The following FBRSL1 variants were observed in gnomAD, a reference collection of about 807,000 sequenced individuals.
FBRSL1 encodes the protein fibrosin-1-like protein.
In FBRSL1, 51 loss-of-function variants were observed where a neutral mutation model predicts 89.6. That is an observed-to-expected ratio of 0.57 (90% CI 0.45 to 0.72). The LOEUF is 0.72. Ranked by LOEUF, FBRSL1 falls within the 30% of genes least tolerant of loss-of-function variation. FBRSL1 has a pLI of 0.00. For missense variants in FBRSL1, 1,618 were observed against 1,451.8 expected (o/e 1.11, Z -1.86); for synonymous variants, 779 against 681.1 (o/e 1.14, Z -2.24).
At position 132,508,384 on chromosome 12, in the gene FBRSL1, G is replaced by T. The variant is rs867448348; in HGVS notation, c.489+34G>T. 3 of 1,412,202 alleles carry T rather than the reference G, an allele frequency of 2.1e-6. No individual in the cohort carries two copies. The African/African-American group carries it at 4.4e-5, about 21-fold the overall frequency. The allele number at this position is 1,412,202 out of a possible 1,614,324, so 87.5% of individuals were successfully genotyped here. A position where few individuals can be genotyped will look rare whatever the true frequency, so the allele number is the denominator to read the frequency against. Reference sequence around the variant, plus strand: ...GTCCCTCCCCGACCGGAAGCTCTGCGGCGGGTCAGTGCTCACCGCCCCAGG... The same window carrying T: ...GTCCCTCCCCGACCGGAAGCTCTGCTGCGGGTCAGTGCTCACCGCCCCAGG... On this transcript the variant is annotated intron_variant, in intron 2 of 18. Coordinates refer to ENST00000680143, the MANE Select transcript of FBRSL1 (RefSeq NM_001367871.1).
intron 1 of FBRSL1, among the ~76,000 whole-genome samples, chr12:132,498,072 G>A (rs1566095870): frequency 3.9e-5 from 6 of 152,178 alleles, no homozygotes; most frequent in South Asian, 4.1e-4. Context: ...GCTGCACCCC[G>A]GGAGAGCTGG....
At chr12:132,526,596 A>G (rs1593346579) in intron 3 of FBRSL1, among the ~76,000 whole-genome samples, 1 of 152,112 alleles carries the variant, frequency 6.6e-6, no homozygotes, top group Non-Finnish European at 1.5e-5. Flanking sequence ...TGTCCCCGGC[A>G]AGGGTCTGTC....
At chr12:132,540,928 C>T (rs778333304) in intron 4 of FBRSL1, among the ~76,000 whole-genome samples, 41 of 152,226 alleles carry the variant, frequency 2.7e-4, no homozygotes, top group Non-Finnish European at 5.9e-4. Flanking sequence ...TCTGCTTCCT[C>T]ACCTATGAAA....
chr12:132,517,708 A>G (rs1349709575), intron 2 of FBRSL1, among the ~76,000 whole-genome samples: 2 of 152,146 alleles, frequency 1.3e-5, no homozygotes, highest in Non-Finnish European at 2.9e-5. Context: ...CCGAGCGGGC[A>G]TGGGGTGGGC....
At chr12:132,527,093 GC>G (rs918547381) in intron 3 of FBRSL1, among the ~76,000 whole-genome samples, 1 of 146,746 alleles carries the variant, frequency 6.8e-6, no homozygotes, top group African/African-American at 2.5e-5. Flanking sequence ...CCATCCCCCA[GC>G]CCCAACCCCC....
At chr12:132,541,435 C>T (rs1311189891) in intron 4 of FBRSL1, among the ~76,000 whole-genome samples, 1 of 152,080 alleles carries the variant, frequency 6.6e-6, no homozygotes, top group Non-Finnish European at 1.5e-5. Flanking sequence ...GGTCATGCAC[C>T]CCCCCACCCC....
chr12:132,503,271 G>T (rs1050435083), intron 1 of FBRSL1, among the ~76,000 whole-genome samples: 2 of 152,202 alleles, frequency 1.3e-5, no homozygotes, highest in East Asian at 3.9e-4. Context: ...CTGCTGGTCC[G>T]TTGCTAGGCG....
At position 132,575,478 on chromosome 12, in the gene FBRSL1, C is replaced by T. The variant is rs376995710; in HGVS notation, c.1701+914C>T. Among the ~76,000 whole-genome samples the T allele has an allele frequency of 6.6e-5, 10 of 152,326 alleles. No individual in the cohort carries two copies. In the East Asian group the frequency reaches 1.5e-3, roughly 24 times the overall value. On this transcript the variant is annotated intron_variant, in intron 14 of 18. Transcript: ENST00000680143. ...TCTTGGCCTCATGATCCACCCACCT[C>T]GGCCTCCCAAAGTGCTGGGATTACA... is the stretch of plus-strand genomic sequence containing the variant.
intron 14 of FBRSL1, among the ~76,000 whole-genome samples, chr12:132,576,596 G>A (rs543510270): frequency 8.5e-5 from 13 of 152,350 alleles, no homozygotes; most frequent in South Asian, 2.1e-4. Context: ...TTCAGAGGAC[G>A]TGAGCTCTCC....
chr12:132,583,384 C>A lies in FBRSL1; in HGVS notation c.2615C>A (p.Pro872Gln). Reference protein sequence around the residue: ...RRAFPAAAPAPGSAALLEPPE... With the variant: ...RRAFPAAAPAQGSAALLEPPE... ...GCCTTCCCCGCTGCCGCCCCCGCCC[C>A]GGGCTCCGCCGCCCTCTTGGAGCCC... Residue 872 changes from proline to glutamine, a missense_variant, in exon 19 of 19, where the codon CCG becomes CAG. Transcript: ENST00000680143. 1 of 1,086,242 alleles carries A rather than the reference C, an allele frequency of 9.2e-7. No individual in the cohort carries two copies. 67.3% of individuals were successfully genotyped at this position (1,086,242 alleles called of 1,614,324 possible).
At position 132,541,192 on chromosome 12, in the gene FBRSL1, G is replaced by A. The variant is rs187004982; in HGVS notation, c.616-6811G>A. Among the ~76,000 whole-genome samples, 48 of 144,794 alleles carry A rather than the reference G, an allele frequency of 3.3e-4. 1 individual carries two copies. In the East Asian group the frequency reaches 6.9e-3, roughly 21 times the overall value. 95.0% of individuals were successfully genotyped at this position (144,794 alleles called of 152,430 possible). ...CAGCCTCCCACCACACCCCTACCCC[G>A]AGGCACGTCAGGTGCAAATCCACTG... is the stretch of plus-strand genomic sequence containing the variant. On this transcript the variant is annotated intron_variant, in intron 4 of 18. Transcript: ENST00000680143.
At chr12:132,564,581 C>T (rs1375130773) in intron 5 of FBRSL1, among the ~76,000 whole-genome samples, 14 of 123,400 alleles carry the variant, frequency 1.1e-4, no homozygotes, top group Non-Finnish European at 1.8e-4. Context: ...CTGCAAGCTC[C>T]GCCTCCCGGG....
chr12:132,572,069 A>G (rs1810558236), intron 9 of FBRSL1: 1 of 562,682 alleles, frequency 1.8e-6, no homozygotes, highest in African/African-American at 1.9e-5. Context: ...ACCCCATGCA[A>G]GGGGACCCTT....
rs1421428472 is a variant in FBRSL1, at chr12:132,508,226, C to T, written c.365C>T (p.Ser122Leu). 36 of 1,550,996 alleles carry T rather than the reference C, an allele frequency of 2.3e-5. No homozygotes were observed. Among genetic ancestry groups the T allele is most frequent in the Middle Eastern group, 1.7e-4 (1 of 6,006 alleles). Residue 122 changes from serine (S) to leucine (L), a missense_variant, in exon 2 of 19, where the codon TCG becomes TTG. Physicochemically the swap from Ser to Leu is moderately radical, Grantham distance 145 (BLOSUM62 -2). Coordinates refer to ENST00000680143, the MANE Select transcript of FBRSL1 (RefSeq NM_001367871.1). The part of the protein sequence containing the change: ...ERRLIKKPRE[S>L]ETCPPAEPSE... ...CGTCTCATCAAGAAGCCCCGGGAGT[C>T]GGAAACCTGCCCCCCTGCGGAGCCC...
intron 2 of FBRSL1, among the ~76,000 whole-genome samples, chr12:132,522,269 A>C (rs559687507): frequency 6.6e-6 from 1 of 152,044 alleles, no homozygotes; most frequent in Admixed American, 6.5e-5. Flanking sequence ...CCCCCGACTG[A>C]GCCCGAGCCT....
chr12:132,565,652 T>C (rs2039561854), intron 5 of FBRSL1: 1 of 152,278 alleles, frequency 6.6e-6, no homozygotes, highest in Non-Finnish European at 1.5e-5. Context: ...CGAGTGTGTG[T>C]ACGTGCCTGA....
chr12:132,566,259 G>A (rs539210734), intron 5 of FBRSL1: 1 of 152,102 alleles, frequency 6.6e-6, no homozygotes, highest in South Asian at 2.1e-4. Flanking sequence ...ATAAGGCACT[G>A]ATGCCGCTCG....
rs1477050513 is a variant in FBRSL1 at position 132,583,214 on chromosome 12, G to A, written c.2445G>A (p.Lys815=). The A allele has an allele frequency of 1.6e-5, 23 of 1,430,482 alleles. No homozygotes were observed. Among genetic ancestry groups the A allele is most frequent in the Middle Eastern group, 2.4e-4 (1 of 4,084 alleles). 88.6% of individuals were successfully genotyped at this position (1,430,482 alleles called of 1,614,324 possible). The change falls in exon 19 of 19, where the codon AAG becomes AAA. Residue 815 remains lysine (K), a synonymous_variant. Transcript: ENST00000680143. ...CGGCCCCTGGAGACGTGAAGGTCAA[G>A]GAGGAGCGCGGGGAGGACGAGGCCT... is the stretch of plus-strand genomic sequence containing the variant. ...SKAAPGDVKV[K]EERGEDEASE...
intron 4 of FBRSL1, among the ~76,000 whole-genome samples, chr12:132,535,822 G>C (rs2036667349): frequency 6.7e-6 from 1 of 150,298 alleles, no homozygotes; most frequent in African/African-American, 2.5e-5. Context: ...TGTCCATGAT[G>C]GTGTGAGTGC....
Sources: gnomAD v4.1 joint callset for allele counts (sites outside exome capture counted in the v4.1 genomes callset) on GRCh38, gnomAD v4.1.1 for gene constraint, MANE v1.5 for transcripts, NCBI Gene and HGNC (gene_info 2026-07-23, HGNC 2026-07-21) for gene names.